MIDN: variants seen among roughly 807,000 people sequenced by gnomAD.
MIDN encodes midbrain nucleolar protein.
MIDN carries 26 observed loss-of-function variants against 46.1 expected under a neutral mutation model. The ratio of observed to expected loss-of-function variants is 0.56; its 90% CI spans 0.41 to 0.78. The LOEUF (loss-of-function observed/expected upper bound fraction) is 0.78. MIDN is among the 30% of genes least tolerant of loss of function. MIDN has a pLI of 0.00. For missense variants in MIDN, 850 were observed against 771.8 expected (o/e 1.10, Z -1.20); for synonymous variants, 432 against 343.3 (o/e 1.26, Z -2.86).
At chr19:1,251,065 C>A (rs930838573) in intron 2 of MIDN, among the ~76,000 whole-genome samples, 2 of 151,428 alleles carry the variant, frequency 1.3e-5, no homozygotes, top group African/African-American at 4.8e-5. Flanking sequence ...GGGGGAGGGG[C>A]GGAGGGGGAG....
chr19:1,251,444 G>C, intron 2 of MIDN, 118 bp from the exon 3 acceptor site: 1 of 856,898 alleles, frequency 1.2e-6, no homozygotes, highest in East Asian at 2.8e-5. Context: ...CCGGGAAGGG[G>C]TGGGGGTGGG....
In MIDN at chr19:1,251,499, C is replaced by T. The variant is rs185359580; in HGVS notation, c.234-63C>T. ...ACACAAGCACAGCCCTCCCCCGCGG[C>T]CTCTGCTTCCGCGTCCCTGTGTCGT... On this transcript the variant is annotated intron_variant, in intron 2 of 8. Coordinates refer to ENST00000682408, the MANE Select transcript of MIDN (RefSeq NM_001388306.1). 5.2e-5 allele frequency: 77 copies of T among 1,471,358 alleles called. No homozygotes were observed. In the African/African-American group the frequency reaches 6.1e-4, roughly 12 times the overall value. 91.1% of individuals were successfully genotyped at this position (1,471,358 alleles called of 1,614,324 possible).
intron 4 of MIDN, among the ~76,000 whole-genome samples, chr19:1,253,164 ACT>A (rs1251275628): frequency 4.1e-4 from 60 of 146,666 alleles, no homozygotes; most frequent in Middle Eastern, 7.2e-3. Context: ...GGTGGTGGGG[ACT>A]CCAGCTGCTC....
At chr19:1,252,792 AT>A (rs1211783612) in intron 4 of MIDN, among the ~76,000 whole-genome samples, 1 of 151,474 alleles carries the variant, frequency 6.6e-6, no homozygotes, top group Non-Finnish European at 1.5e-5. Flanking sequence ...CTTTCCCTAC[AT>A]CGCGGGGGCA....
At chr19:1,252,303 T>G (rs1340829868) in intron 4 of MIDN, among the ~76,000 whole-genome samples, 3 of 152,092 alleles carry the variant, frequency 2.0e-5, no homozygotes, top group Admixed American at 1.3e-4. Context: ...TGCTGAGGGC[T>G]GGGGGTGGCG....
At position 1,250,994 on chromosome 19, in the gene MIDN, G is replaced by T. The variant is rs375376890; in HGVS notation, c.233+465G>T. On this transcript the variant is annotated intron_variant, in intron 2 of 8. Coordinates refer to ENST00000682408, the MANE Select transcript of MIDN (RefSeq NM_001388306.1). Reference sequence around the variant, plus strand: ...GGTATTTAAATCGCCTGCAGGCCCGGAGCCCTCCCCCCGCGGGCCTCCGGG... The same window carrying T: ...GGTATTTAAATCGCCTGCAGGCCCGTAGCCCTCCCCCCGCGGGCCTCCGGG... 2.6e-5 allele frequency among the ~76,000 whole-genome samples: 4 copies of T among 152,052 alleles called. No individual in the cohort carries two copies. In the East Asian group the frequency reaches 5.8e-4, roughly 22 times the overall value.
chr19:1,257,516 C>CG lies in MIDN; in HGVS notation c.*244_*245insG. 4.2e-5 allele frequency: 19 copies of CG among 448,498 alleles called. No individual in the cohort carries two copies. The highest frequency in any genetic ancestry group is 5.8e-5 in the Non-Finnish European group (15 of 260,568). The allele number at this position is 448,498 out of a possible 1,614,324, so 27.8% of individuals were successfully genotyped here. ...CTTCACCCTTCACTCCTGCCCTCCT[C>CG]TTCCTCCTCCTCCTCCTCCTCCGTC... On this transcript the variant is annotated 3_prime_UTR_variant, in exon 9 of 9. Coordinates refer to ENST00000682408, the MANE Select transcript of MIDN (RefSeq NM_001388306.1).
intron 2 of MIDN, chr19:1,251,124 A>C: frequency 6.4e-6 from 1 of 155,612 alleles, no homozygotes; most frequent in East Asian, 1.9e-4. Context: ...GGGAGGGAGG[A>C]GGAGGGGGAG....
rs143942530 is a variant in MIDN at position 1,257,129 on chromosome 19, C to T, written c.1393C>T (p.Arg465Cys). 528 of 1,611,368 alleles carry T rather than the reference C, an allele frequency of 3.3e-4. 1 individual carries two copies. The highest frequency in any genetic ancestry group is 4.3e-4 in the Non-Finnish European group (502 of 1,179,238). Reference protein sequence around the residue: ...ARGPYHWSPSRKAGRSDSSSS... With the variant: ...ARGPYHWSPSCKAGRSDSSSS... ...GGGTCCGTACCACTGGTCACCCAGC[C>T]GCAAGGCCGGCCGCAGCGACAGCAG... The change falls in exon 9 of 9, where the codon CGC becomes TGC. Residue 465 changes from arginine to cysteine, a missense_variant. Coordinates refer to ENST00000682408, the MANE Select transcript of MIDN (RefSeq NM_001388306.1).
chr19:1,249,068 G>A (rs1207009731), intron 1 of MIDN, among the ~76,000 whole-genome samples: 1 of 151,436 alleles, frequency 6.6e-6, no homozygotes, highest in South Asian at 2.1e-4. Flanking sequence ...TCCCAGGCGG[G>A]CCCGGCAGAG....
chr19:1,258,818 A>G lies in MIDN; in HGVS notation c.*1546A>G, dbSNP rs200805351. The G allele has an allele frequency of 6.6e-6, 1 of 152,152 alleles. No individual in the cohort carries two copies. Among genetic ancestry groups the G allele is most frequent in the Non-Finnish European group, 1.5e-5 (1 of 68,028 alleles). 9.4% of individuals were successfully genotyped at this position (152,152 alleles called of 1,614,324 possible). ...AAAAAAAAAAGAAAAAAAAATAGAA[A>G]AAAAAGGAGTAAAAGGGGCGGGTTT... On this transcript the variant is annotated 3_prime_UTR_variant, in exon 9 of 9. Coordinates refer to ENST00000682408, the MANE Select transcript of MIDN (RefSeq NM_001388306.1).
Position 1,258,644 on chromosome 19 carries a change from C to T in MIDN, c.*1372C>T, listed in dbSNP as rs1335151507. Reference sequence around the variant, plus strand: ...GAACCCCAGGTCCTCAACTCCCCCCCTTTATGTGTTGAAAGTTAATGGTTT... The same window carrying T: ...GAACCCCAGGTCCTCAACTCCCCCCTTTTATGTGTTGAAAGTTAATGGTTT... On this transcript the variant is annotated 3_prime_UTR_variant, in exon 9 of 9. Coordinates refer to ENST00000682408, the MANE Select transcript of MIDN (RefSeq NM_001388306.1). 1.6e-5 allele frequency: 2 copies of T among 128,062 alleles called. No homozygotes were observed. Among genetic ancestry groups the T allele is most frequent in the African/African-American group, 2.9e-5 (1 of 33,974 alleles). 7.9% of individuals were successfully genotyped at this position (128,062 alleles called of 1,614,324 possible).
intron 4 of MIDN, 64 bp downstream of exon 4, chr19:1,251,965 C>T (rs1257806632): frequency 6.4e-6 from 9 of 1,404,396 alleles, no homozygotes; most frequent in South Asian, 5.9e-5. Flanking sequence ...TGGCCACCGA[C>T]GGGGCCTGGG....
rs912715438 is a variant in MIDN, at chr19:1,249,882, A to AC, written c.-407-3dup. 1.0e-4 allele frequency: 15 copies of AC among 150,690 alleles called. No homozygotes were observed. Among genetic ancestry groups the AC allele is most frequent in the African/African-American group, 2.9e-4 (12 of 40,858 alleles). 9.3% of individuals were successfully genotyped at this position (150,690 alleles called of 1,614,324 possible). ...ATAACTTTTTTTTCTTGTTACTTTC[A>AC]CCCCCAGATCCTCCGAGCGGCGGCG... On this transcript the variant is annotated splice_region_variant and splice_polypyrimidine_tract_variant and intron_variant, in intron 1 of 8. Coordinates refer to ENST00000682408, the MANE Select transcript of MIDN (RefSeq NM_001388306.1).
rs1249247229 is a variant in MIDN, at chr19:1,250,062, C to G, written c.-235C>G. The G allele has an allele frequency of 2.0e-5, 3 of 151,784 alleles. No individual in the cohort carries two copies. The highest frequency in any genetic ancestry group is 7.3e-5 in the African/African-American group (3 of 41,334). The allele number at this position is 151,784 out of a possible 1,614,324, so 9.4% of individuals were successfully genotyped here. A position where few individuals can be genotyped will look rare whatever the true frequency, so the allele number is the denominator to read the frequency against. On this transcript the variant is annotated 5_prime_UTR_variant, in exon 2 of 9. Coordinates refer to ENST00000682408, the MANE Select transcript of MIDN (RefSeq NM_001388306.1). ...CGCCCTTTGAAGGAGAAGCAAGTGCCGTCCCCACCCCCGGAAGGCGCCCCC... is the reference window on the plus strand; with the variant it reads ...CGCCCTTTGAAGGAGAAGCAAGTGCGGTCCCCACCCCCGGAAGGCGCCCCC...
chr19:1,252,846 ACAGCAG>A (rs1461319289), intron 4 of MIDN, among the ~76,000 whole-genome samples: 1 of 151,878 alleles, frequency 6.6e-6, no homozygotes, highest in South Asian at 2.1e-4. Context: ...GGGGGTGGCC[ACAGCAG>A]CAGCAGCAGT....
chr19:1,252,411 CCG>C (rs1463615358), intron 4 of MIDN, among the ~76,000 whole-genome samples: 3 of 128,404 alleles, frequency 2.3e-5, no homozygotes, highest in African/African-American at 7.6e-5. Context: ...GTTCTCTACC[CCG>C]AAAGGGGAGG....
Position 1,254,204 on chromosome 19 carries a change from T to C in MIDN, c.551T>C (p.Leu184Pro). Residue 184 changes from leucine (L) to proline (P), a missense_variant, in exon 6 of 9, where the codon CTG (leucine) becomes CCG (proline). Coordinates refer to ENST00000682408, the MANE Select transcript of MIDN (RefSeq NM_001388306.1). ...CTGTCGGGCCGTTCGCCACTGACACTGGCCTTGCGTGTGGGCGACCACATG... is the reference window on the plus strand; with the variant it reads ...CTGTCGGGCCGTTCGCCACTGACACCGGCCTTGCGTGTGGGCGACCACATG... ...DFLSGRSPLT[L>P]ALRVGDHMMF... is the part of the protein sequence containing the mutation. The C allele has an allele frequency of 6.3e-7, 1 of 1,598,736 alleles. No homozygotes were observed. The highest frequency in any genetic ancestry group is 8.5e-7 in the Non-Finnish European group (1 of 1,177,926).
At chr19:1,251,511 C>G in intron 2 of MIDN, 51 bp from the exon 3 acceptor site, 1 of 1,558,764 alleles carries the variant, frequency 6.4e-7, no homozygotes, top group East Asian at 2.3e-5. Flanking sequence ...TCTGCTTCCG[C>G]GTCCCTGTGT....
Sources: allele counts gnomAD v4.1 joint callset (sites outside exome capture counted in the v4.1 genomes callset), GRCh38; gene constraint gnomAD v4.1.1; transcripts MANE v1.5; gene names NCBI Gene and HGNC (gene_info 2026-07-23, HGNC 2026-07-21).